The following CNBD1 variants were observed in gnomAD, a reference collection of about 807,000 sequenced individuals.
CNBD1 encodes the protein cyclic nucleotide binding domain containing 1, also known as cyclic nucleotide-binding domain-containing protein 1.
A neutral mutation model predicts 54.4 loss-of-function variants in CNBD1; 71 were observed. The observed-to-expected ratio is 1.30, with a 90% CI of 1.08 to 1.59. The LOEUF (loss-of-function observed/expected upper bound fraction) is 1.59, where lower values mean the gene tolerates loss of function less well. Among genes scored for constraint, CNBD1 ranks in the 40% most tolerant of loss-of-function variants. The pLI, the probability that CNBD1 is intolerant of heterozygous loss-of-function variation, is 0.00. For synonymous variants in CNBD1, 182 were observed against 170.7 expected, an observed-to-expected ratio of 1.07 and a Z score of -0.51; for missense variants, 659 against 518.0, an observed-to-expected ratio of 1.27 and a Z score of -2.64.
chr8:86,904,889 G>T (rs1808992950), intron 2 of CNBD1, among the ~76,000 whole-genome samples, 192 bp from the exon 3 acceptor site: 1 of 151,840 alleles, frequency 6.6e-6, no homozygotes. Flanking sequence ...CATACATTTT[G>T]TATTTCTTAA....
intron 8 of CNBD1, among the ~76,000 whole-genome samples, chr8:87,298,203 A>G (rs905960542): frequency 1.3e-5 from 2 of 151,938 alleles, no homozygotes; most frequent in Non-Finnish European, 2.9e-5. Context: ...TATTCCACAA[A>G]GTTTTACCCC....
intron 5 of CNBD1, among the ~76,000 whole-genome samples, chr8:87,215,276 CA>C (rs1316370396): frequency 6.6e-6 from 1 of 151,980 alleles, no homozygotes; most frequent in Non-Finnish European, 1.5e-5. Context: ...CAGAATAGGC[CA>C]ATTCATTTGG....
chr8:87,158,825 A>T lies in CNBD1; in HGVS notation c.432-47168A>T, dbSNP rs138630504. On this transcript the variant is annotated intron_variant, in intron 4 of 10. Transcript: ENST00000518476. ...CCAAGGGTTTATATAAACTACAAAGACAGCAAGCAAGAACTAAAACAGAAC... is the reference window on the plus strand; with the variant it reads ...CCAAGGGTTTATATAAACTACAAAGTCAGCAAGCAAGAACTAAAACAGAAC... 2.0e-3 allele frequency among the ~76,000 whole-genome samples: 307 copies of T among 152,300 alleles called. 3 individuals carry two copies. The highest frequency in any genetic ancestry group is 6.4e-3 in the African/African-American group (265 of 41,582).
intron 3 of CNBD1, among the ~76,000 whole-genome samples, chr8:86,929,436 T>C (rs897710270): frequency 1.3e-5 from 2 of 152,190 alleles, no homozygotes; most frequent in Non-Finnish European, 2.9e-5. Context: ...TACTGTTACA[T>C]CACTAACTAT....
intron 8 of CNBD1, among the ~76,000 whole-genome samples, chr8:87,296,550 C>T (rs1412738944): frequency 6.6e-6 from 1 of 151,820 alleles, no homozygotes; most frequent in Non-Finnish European, 1.5e-5. Flanking sequence ...CATAAAGAAG[C>T]AGGATTGACT....
At chr8:87,422,613 G>C (rs182214882) in intron 2 of CNBD1, among the ~76,000 whole-genome samples, 2 of 152,228 alleles carry the variant, frequency 1.3e-5, no homozygotes, top group Admixed American at 1.3e-4. Flanking sequence ...TGAGGGCTCT[G>C]TTTTGTTCCA....
At chr8:87,403,902 T>G (rs1463494813) in intron 2 of CNBD1, among the ~76,000 whole-genome samples, 3 of 151,986 alleles carry the variant, frequency 2.0e-5, no homozygotes. Flanking sequence ...TGAAAGCCAC[T>G]CTCCCCCATG....
chr8:87,111,893 G>A (rs1211591420), intron 4 of CNBD1, among the ~76,000 whole-genome samples: 8 of 152,062 alleles, frequency 5.3e-5, no homozygotes. Flanking sequence ...GATATTTGGG[G>A]AAGCCATTAT....
intron 4 of CNBD1, among the ~76,000 whole-genome samples, chr8:86,982,873 G>A (rs1808519426): frequency 6.6e-6 from 1 of 152,102 alleles, no homozygotes; most frequent in Non-Finnish European, 1.5e-5. Flanking sequence ...TTAATTTTTG[G>A]AGAATTGACA....
At chr8:87,117,034 C>T (rs1159094263) in intron 4 of CNBD1, among the ~76,000 whole-genome samples, 2 of 152,118 alleles carry the variant, frequency 1.3e-5, no homozygotes, top group East Asian at 1.9e-4. Flanking sequence ...GTGTATGGCA[C>T]ATAAACATCA....
intron 2 of CNBD1, among the ~76,000 whole-genome samples, chr8:87,387,929 C>A (rs970351949): frequency 6.6e-6 from 1 of 152,168 alleles, no homozygotes; most frequent in Admixed American, 6.5e-5. Flanking sequence ...TGCAATCAAA[C>A]TAGAACTCAG....
At chr8:87,181,042 T>C (rs1813301010) in intron 4 of CNBD1, among the ~76,000 whole-genome samples, 1 of 152,170 alleles carries the variant, frequency 6.6e-6, no homozygotes, top group Non-Finnish European at 1.5e-5. Context: ...ATTCACTTTC[T>C]TCCCCCAGAA....
intron 4 of CNBD1, among the ~76,000 whole-genome samples, chr8:87,098,146 A>G (rs564278967): frequency 6.6e-6 from 1 of 152,304 alleles, no homozygotes; most frequent in South Asian, 2.1e-4. Flanking sequence ...TTTTACGTGG[A>G]AGGCATATGA....
intron 4 of CNBD1, among the ~76,000 whole-genome samples, chr8:87,139,826 C>T (rs890357695): frequency 2.0e-5 from 3 of 152,082 alleles, no homozygotes; most frequent in Admixed American, 6.5e-5. Flanking sequence ...TCAAAGCTTC[C>T]CCTGAGAAAA....
chr8:87,216,740 G>A (rs751378192), intron 5 of CNBD1, among the ~76,000 whole-genome samples: 4 of 152,050 alleles, frequency 2.6e-5, no homozygotes, highest in Non-Finnish European at 5.9e-5. Flanking sequence ...CCAACCTTTA[G>A]CTTTGTTTTA....
chr8:87,010,227 T>C (rs1809187741), intron 4 of CNBD1, among the ~76,000 whole-genome samples: 1 of 152,128 alleles, frequency 6.6e-6, no homozygotes, highest in South Asian at 2.1e-4. Context: ...CCACTTCCCT[T>C]GGTACTTCAA....
intron 3 of CNBD1, among the ~76,000 whole-genome samples, chr8:86,912,074 G>A (rs1312122559): frequency 6.6e-6 from 1 of 152,098 alleles, no homozygotes; most frequent in Non-Finnish European, 1.5e-5. Context: ...GGTGGAAATT[G>A]AAGTATTTAC....
At position 86,894,035 on chromosome 8, in the gene CNBD1, ATTTTTTTTTTTTTTTTTTTTTTT is replaced by A. The variant is rs869060076; in HGVS notation, c.158+6439_158+6461del. The stretch of plus-strand genomic sequence containing the variant: ...TTTATTCATATATTTTAATAGATTA[ATTTTTTTTTTTTTTTTTTTTTTT>A]TTTTTTTTTTTTTTGAGACGGAGTC... On this transcript the variant is annotated intron_variant, in intron 2 of 10. Transcript: ENST00000518476. Among the ~76,000 whole-genome samples, 3 of 52,368 alleles carry A rather than the reference ATTTTTTTTTTTTTTTTTTTTTTT, an allele frequency of 5.7e-5. No individual in the cohort carries two copies. In the South Asian group the frequency reaches 3.3e-3, roughly 58 times the overall value. 34.4% of individuals were successfully genotyped at this position (52,368 alleles called of 152,430 possible).
At chr8:86,915,359 G>T (rs1358323674) in intron 3 of CNBD1, among the ~76,000 whole-genome samples, 2 of 152,178 alleles carry the variant, frequency 1.3e-5, no homozygotes, top group Admixed American at 6.5e-5. Context: ...TGCACGTCTT[G>T]TGACCTCCAG....
Sources: gnomAD v4.1 joint callset for allele counts (sites outside exome capture counted in the v4.1 genomes callset) on GRCh38, gnomAD v4.1.1 for gene constraint, MANE v1.5 for transcripts, NCBI Gene and HGNC (gene_info 2026-07-23, HGNC 2026-07-21) for gene names.